CAND2: variants seen among roughly 807,000 people sequenced by gnomAD.
CAND2 encodes the protein cullin associated and neddylation dissociated 2 (putative).
CAND2 carries 62 observed loss-of-function variants against 98.9 expected under a neutral mutation model. That is an observed-to-expected ratio of 0.63 (90% CI 0.51 to 0.77). The LOEUF is 0.77. Ranked by LOEUF, CAND2 falls within the 30% of genes least tolerant of loss-of-function variation. CAND2 has a pLI of 0.00. For synonymous variants in CAND2, 770 were observed against 731.9 expected (o/e 1.05, Z -0.84); for missense variants, 1,501 against 1,655.2 (o/e 0.91, Z 1.62).
At chr3:12,819,087 C>G (rs2061933579) in intron 10 of CAND2, among the ~76,000 whole-genome samples, 1 of 152,204 alleles carries the variant, frequency 6.6e-6, no homozygotes, top group Non-Finnish European at 1.5e-5. Context: ...CATCTTCCTG[C>G]TAGTCTCCTT....
intron 13 of CAND2, among the ~76,000 whole-genome samples, chr3:12,829,470 T>C (rs775844913): frequency 6.6e-6 from 1 of 152,200 alleles, no homozygotes; most frequent in African/African-American, 2.4e-5. Flanking sequence ...TTAAAAAATA[T>C]GTACTGTAAG....
chr3:12,805,277 C>CTT (rs71268422), intron 2 of CAND2, among the ~76,000 whole-genome samples: 2 of 146,024 alleles, frequency 1.4e-5, no homozygotes, highest in Admixed American at 1.4e-4. Flanking sequence ...GCAAGATTTT[C>CTT]TTTTTTTTTT....
At chr3:12,818,162 G>A (rs1054377992) in intron 10 of CAND2, among the ~76,000 whole-genome samples, 1 of 151,700 alleles carries the variant, frequency 6.6e-6, no homozygotes, top group Non-Finnish European at 1.5e-5. Flanking sequence ...GGTGGCACAT[G>A]TCTGTAATCC....
intron 3 of CAND2, 82 bp downstream of exon 3, chr3:12,807,542 A>AT: frequency 1.4e-6 from 2 of 1,394,412 alleles, no homozygotes; most frequent in Non-Finnish European, 9.6e-7. Flanking sequence ...CAAAAAAAAA[A>AT]CACTGAGGCT....
Position 12,817,836 on chromosome 3 carries a change from T to G in CAND2, c.2904T>G (p.Pro968=). ...ECIGKLVLVN[P]SFLLPRLRKQ... Reference sequence around the variant, plus strand: ...TTGGGAAGCTGGTCCTTGTGAACCCTTCGTTCCTTCTGCCCCGCTTGCGGA... The same window carrying G: ...TTGGGAAGCTGGTCCTTGTGAACCCGTCGTTCCTTCTGCCCCGCTTGCGGA... Residue 968 remains proline (P), a synonymous_variant, in exon 10 of 15, where the codon CCT becomes CCG. Transcript: ENST00000456430. 1 of 1,513,860 alleles carries G rather than the reference T, an allele frequency of 6.6e-7. No individual in the cohort carries two copies. Among genetic ancestry groups the G allele is most frequent in the South Asian group, 1.3e-5 (1 of 74,700 alleles). 93.8% of individuals were successfully genotyped at this position (1,513,860 alleles called of 1,614,324 possible).
chr3:12,796,805 G>A lies in CAND2; in HGVS notation c.68+17G>A, dbSNP rs114074759. 6,999 of 1,565,248 alleles carry A rather than the reference G, an allele frequency of 4.5e-3. 206 individuals are homozygous for A. The African/African-American group carries it at 0.065, about 15-fold the overall frequency. On this transcript the variant is annotated intron_variant, in intron 1 of 14. Transcript: ENST00000456430. ...GGACTTCAGGTGCAGCCCGCCGCCG[G>A]CCCCCTTCTCTCCTTCCCGCTCTGA...
intron 13 of CAND2, among the ~76,000 whole-genome samples, chr3:12,829,820 CTTACA>C (rs2062038664): frequency 6.6e-6 from 1 of 152,326 alleles, no homozygotes; most frequent in East Asian, 1.9e-4. Context: ...AGCCTTTTAA[CTTACA>C]TTTACTGTAT....
At position 12,816,720 on chromosome 3, in the gene CAND2, C is replaced by T. The variant is rs776303273; in HGVS notation, c.1788C>T (p.Gly596=). 3.1e-6 allele frequency: 5 copies of T among 1,613,674 alleles called. 1 individual carries two copies. In the South Asian group the frequency reaches 5.5e-5, roughly 18 times the overall value. ...EVKERAISCM[G]HLVGHLGDRL... ...AGGAGCGGGCCATTTCCTGCATGGGCCACCTTGTAGGCCACCTGGGTGACC... is the reference window on the plus strand; with the variant it reads ...AGGAGCGGGCCATTTCCTGCATGGGTCACCTTGTAGGCCACCTGGGTGACC... The change falls in exon 10 of 15, where the codon GGC becomes GGT. Residue 596 remains glycine, a synonymous_variant. Transcript: ENST00000456430.
At chr3:12,803,986 A>C (rs9873498) in intron 2 of CAND2, among the ~76,000 whole-genome samples, 2,291 of 152,054 alleles carry the variant, frequency 0.015, 69 homozygotes, top group African/African-American at 0.053. Context: ...GACTTTTCCC[A>C]CTCAAAGGGT....
Position 12,833,925 on chromosome 3 carries a change from A to G in CAND2, c.3654A>G (p.Glu1218=), listed in dbSNP as rs1326364657. Residue 1218 remains glutamate, a synonymous_variant, in exon 15 of 15, where the codon GAA becomes GAG. Coordinates refer to ENST00000456430, the MANE Select transcript of CAND2 (RefSeq NM_001162499.2). The part of the protein sequence containing the change: ...RSNPELAALF[E]SIQKDSASAP... ...ACCCTGAACTTGCTGCCCTCTTTGA[A>G]AGCATCCAGAAGGATTCCGCTTCAG... The G allele has an allele frequency of 1.2e-6, 2 of 1,614,188 alleles. No individual in the cohort carries two copies. The highest frequency in any genetic ancestry group is 4.5e-5 in the East Asian group (2 of 44,890).
At chr3:12,814,847 C>A (rs2061883349) in intron 7 of CAND2, among the ~76,000 whole-genome samples, 1 of 152,136 alleles carries the variant, frequency 6.6e-6, no homozygotes, top group Non-Finnish European at 1.5e-5. Context: ...CAAGCCACTT[C>A]CTCTATCTAA....
Position 12,816,582 on chromosome 3 carries a change from G to C in CAND2, c.1650G>C (p.Arg550=). The part of the protein sequence containing the change: ...EALVVLQELV[R]ALWPLHRPRM... ...TGGTGGTGCTGCAGGAGCTGGTGCG[G>C]GCCCTGTGGCCGCTGCACAGGCCTC... Residue 550 remains arginine, a synonymous_variant, in exon 10 of 15, where the codon CGG becomes CGC. Coordinates refer to ENST00000456430, the MANE Select transcript of CAND2 (RefSeq NM_001162499.2). 1 of 1,613,896 alleles carries C rather than the reference G, an allele frequency of 6.2e-7. No individual in the cohort carries two copies. Among genetic ancestry groups the C allele is most frequent in the Non-Finnish European group, 8.5e-7 (1 of 1,180,026 alleles).
chr3:12,812,709 T>A (rs1211598161), intron 5 of CAND2, among the ~76,000 whole-genome samples: 5 of 152,196 alleles, frequency 3.3e-5, no homozygotes, highest in Non-Finnish European at 7.3e-5. Context: ...TATTTATCAT[T>A]ATATAATTTA....
chr3:12,825,241 C>T (rs1041509043), intron 11 of CAND2, among the ~76,000 whole-genome samples: 4 of 152,034 alleles, frequency 2.6e-5, no homozygotes, highest in African/African-American at 4.8e-5. Context: ...CAAGGTCCCA[C>T]AGTAAATTGG....
At chr3:12,829,499 A>T (rs1448890259) in intron 13 of CAND2, among the ~76,000 whole-genome samples, 2 of 152,258 alleles carry the variant, frequency 1.3e-5, no homozygotes, top group Non-Finnish European at 2.9e-5. Context: ...ACTTTTTATA[A>T]GGAAAAATTA....
chr3:12,813,189 G>A (rs2061868368), intron 6 of CAND2, 57 bp from the exon 7 acceptor site: 1 of 1,602,288 alleles, frequency 6.2e-7, no homozygotes, highest in Non-Finnish European at 8.5e-7. Context: ...ATTGGGCCCT[G>A]TCCCCCACTC....
In CAND2 at chr3:12,833,773, A is replaced by G. The variant is rs1430978806; in HGVS notation, c.3502A>G (p.Lys1168Glu). 1 of 1,613,954 alleles carries G rather than the reference A, an allele frequency of 6.2e-7. No homozygotes were observed. Among genetic ancestry groups the G allele is most frequent in the African/African-American group, 1.3e-5 (1 of 74,950 alleles). The change falls in exon 15 of 15, where the codon AAG (lysine) becomes GAG (glutamate). Residue 1168 changes from lysine to glutamate, a missense_variant. Lys to Glu is a moderately conservative substitution (Grantham distance 56, BLOSUM62 1). Around this residue, in one of 3 missense-constraint regions of CAND2, gnomAD observed 1,427 missense variants for 1,545.3 expected, o/e 0.92. Coordinates refer to ENST00000456430, the MANE Select transcript of CAND2 (RefSeq NM_001162499.2). ...ACTTTAGGTCAAAGCTGGTTCTGTGAAGCAGGAGTTTGAAAAGCAAGATGA... is the reference window on the plus strand; with the variant it reads ...ACTTTAGGTCAAAGCTGGTTCTGTGGAGCAGGAGTTTGAAAAGCAAGATGA... ...CTAKVKAGSV[K>E]QEFEKQDELK...
At chr3:12,807,600 G>A in intron 3 of CAND2, 140 bp downstream of exon 3, 1 of 828,556 alleles carries the variant, frequency 1.2e-6, no homozygotes, top group Non-Finnish European at 1.8e-6. Flanking sequence ...AGTAAGCAGG[G>A]CAGAGAATTC....
chr3:12,822,123 A>G (rs1329999630), intron 11 of CAND2, among the ~76,000 whole-genome samples: 1 of 152,008 alleles, frequency 6.6e-6, no homozygotes, highest in African/African-American at 2.4e-5. Flanking sequence ...TTTGCATTCT[A>G]CTGTCTGGAA....
Sources: allele counts gnomAD v4.1 joint callset (sites outside exome capture counted in the v4.1 genomes callset), GRCh38; gene constraint gnomAD v4.1.1; regional missense constraint gnomAD v4.1.1; transcripts MANE v1.5; gene names NCBI Gene and HGNC (gene_info 2026-07-23, HGNC 2026-07-21).